The following STX6 variants were observed in gnomAD, a reference collection of about 807,000 sequenced individuals.
STX6 encodes the protein syntaxin 6.
A neutral mutation model predicts 38.0 loss-of-function variants in STX6; 23 were observed. The ratio of observed to expected loss-of-function variants is 0.60; its 90% CI spans 0.43 to 0.86. The LOEUF (loss-of-function observed/expected upper bound fraction) is 0.86, where lower values mean the gene tolerates loss of function less well. Ranked by LOEUF, STX6 falls within the 40% of genes least tolerant of loss-of-function variation. STX6 has a pLI of 0.00. For missense variants in STX6, 274 were observed against 312.9 expected, an observed-to-expected ratio of 0.88 and a Z score of 0.94; for synonymous variants, 123 against 107.5, an observed-to-expected ratio of 1.14 and a Z score of -0.89.
At chr1:181,013,472 C>A (rs896579794) in intron 1 of STX6, among the ~76,000 whole-genome samples, 3 of 152,192 alleles carry the variant, frequency 2.0e-5, no homozygotes, top group Non-Finnish European at 2.9e-5. Flanking sequence ...GTGCACACTA[C>A]CACGCCAAGC....
chr1:180,977,307 GA>G (rs1655283670), intron 7 of STX6, among the ~76,000 whole-genome samples: 1 of 151,940 alleles, frequency 6.6e-6, no homozygotes, highest in South Asian at 2.1e-4. Context: ...GAAACAACTT[GA>G]CTAGAGTCCA....
chr1:181,015,021 A>G (rs1347831928), intron 1 of STX6, among the ~76,000 whole-genome samples: 1 of 152,088 alleles, frequency 6.6e-6, no homozygotes, highest in Non-Finnish European at 1.5e-5. Context: ...ATGGCCCATT[A>G]TATCTATTTG....
chr1:181,006,116 G>A (rs1231180371), intron 1 of STX6, among the ~76,000 whole-genome samples: 1 of 152,060 alleles, frequency 6.6e-6, no homozygotes, highest in Non-Finnish European at 1.5e-5. Flanking sequence ...AGGCTGGAGC[G>A]AAATGGTGCG....
chr1:181,018,995 G>A (rs1303232821), intron 1 of STX6, among the ~76,000 whole-genome samples: 1 of 152,202 alleles, frequency 6.6e-6, no homozygotes, highest in Non-Finnish European at 1.5e-5. Context: ...CCCTAGGCAA[G>A]TAAGTTAACC....
intron 2 of STX6, among the ~76,000 whole-genome samples, chr1:181,005,012 C>G (rs1471472422): frequency 6.7e-6 from 1 of 150,302 alleles, no homozygotes; most frequent in Non-Finnish European, 1.5e-5. Context: ...ACTTGAACAC[C>G]AGAAATCTGA....
rs1374300807 is a variant in STX6 at position 180,988,318 on chromosome 1, ACTGCTCATCCTG to A, written c.505_516del (p.Gln169_Gln172del). The A allele has an allele frequency of 6.2e-7, 1 of 1,613,972 alleles. No individual in the cohort carries two copies. ...CCGATGCTGCCAGAGACCAGCTCCA[ACTGCTCATCCTG>A]CTGTTCCACGATCAACTGGTGCCAG... On this transcript the variant is annotated inframe_deletion, in exon 6 of 8. Coordinates refer to ENST00000258301, the MANE Select transcript of STX6 (RefSeq NM_005819.6).
intron 1 of STX6, among the ~76,000 whole-genome samples, chr1:181,017,926 C>T (rs929361494): frequency 2.0e-5 from 3 of 152,074 alleles, no homozygotes; most frequent in Admixed American, 2.0e-4. Flanking sequence ...AAATCAGAAG[C>T]AGCAATACAG....
intron 4 of STX6, among the ~76,000 whole-genome samples, chr1:180,990,503 A>G (rs1196070435): frequency 2.0e-5 from 3 of 152,100 alleles, no homozygotes; most frequent in African/African-American, 7.2e-5. Context: ...GAAGATCTAG[A>G]GTACTTTTTT....
intron 3 of STX6, among the ~76,000 whole-genome samples, chr1:181,000,193 A>T (rs1366840682): frequency 6.6e-6 from 1 of 152,236 alleles, no homozygotes; most frequent in African/African-American, 2.4e-5. Flanking sequence ...ATAGTTGAGT[A>T]TGGTTTAGAT....
chr1:181,008,732 T>TTTG (rs1656304468), intron 1 of STX6, among the ~76,000 whole-genome samples: 1 of 150,242 alleles, frequency 6.7e-6, no homozygotes, highest in African/African-American at 2.4e-5. Flanking sequence ...AAATTGTTTT[T>TTTG]TTTTTTTTTT....
At chr1:180,985,674 C>T (rs1655557652) in intron 6 of STX6, among the ~76,000 whole-genome samples, 1 of 152,204 alleles carries the variant, frequency 6.6e-6, no homozygotes, top group African/African-American at 2.4e-5. Context: ...GGAAAGAAAA[C>T]CCCAAAATAC....
intron 3 of STX6, among the ~76,000 whole-genome samples, chr1:180,996,873 A>G (rs1655931193): frequency 6.6e-6 from 1 of 152,218 alleles, no homozygotes. Context: ...ATGACTGGCA[A>G]TGAATATTTA....
intron 4 of STX6, among the ~76,000 whole-genome samples, chr1:180,991,155 C>A (rs1049537100): frequency 6.6e-6 from 1 of 152,212 alleles, no homozygotes; most frequent in Non-Finnish European, 1.5e-5. Flanking sequence ...ACACTGACCT[C>A]TTCTCAGACT....
intron 3 of STX6, among the ~76,000 whole-genome samples, chr1:180,996,467 T>C (rs2102314393): frequency 6.6e-6 from 1 of 152,268 alleles, no homozygotes; most frequent in Non-Finnish European, 1.5e-5. Context: ...TTTCTCCAAT[T>C]AGACCAAGAA....
intron 5 of STX6, among the ~76,000 whole-genome samples, chr1:180,989,629 A>AT (rs890077665): frequency 1.1e-4 from 16 of 151,650 alleles, no homozygotes; most frequent in African/African-American, 3.9e-4. Flanking sequence ...TTGGTTCTTT[A>AT]TTTTTTTAGA....
chr1:181,018,939 G>A (rs367606368), intron 1 of STX6, among the ~76,000 whole-genome samples: 1 of 152,148 alleles, frequency 6.6e-6, no homozygotes, highest in Non-Finnish European at 1.5e-5. Context: ...GTGAAATCAG[G>A]TTGTTCTAAT....
At chr1:180,989,930 AG>A (rs1655704279) in intron 5 of STX6, 53 bp downstream of exon 5, 6 of 1,606,006 alleles carry the variant, frequency 3.7e-6, no homozygotes, top group Non-Finnish European at 5.1e-6. Context: ...AAAGGAACTA[AG>A]GGGGTGTCTT....
chr1:181,001,344 C>T (rs1035301200), intron 3 of STX6, among the ~76,000 whole-genome samples: 1 of 152,204 alleles, frequency 6.6e-6, no homozygotes, highest in African/African-American at 2.4e-5. Context: ...GGTTCTCTTA[C>T]ATCTAGTTAT....
chr1:181,012,664 CTTCCA>C (rs147822590), intron 1 of STX6, among the ~76,000 whole-genome samples: 13,639 of 143,950 alleles, frequency 0.095, 686 homozygotes, highest in Middle Eastern at 0.14. Context: ...CATTCAGATT[CTTCCA>C]TTCTTTTTTT....
Sources: gnomAD v4.1 joint callset for allele counts (sites outside exome capture counted in the v4.1 genomes callset) on GRCh38, gnomAD v4.1.1 for gene constraint, MANE v1.5 for transcripts, NCBI Gene and HGNC (gene_info 2026-07-23, HGNC 2026-07-21) for gene names.